Variants in FBXO40 observed in about 807,000 individuals in gnomAD.
FBXO40 encodes the protein F-box only protein 40.
FBXO40 carries 50 observed loss-of-function variants against 49.9 expected under a neutral mutation model. That is an observed-to-expected ratio of 1.00 (90% CI 0.80 to 1.27). FBXO40 has a LOEUF of 1.27. FBXO40 is among the 50% of genes most tolerant of loss of function. FBXO40 has a pLI of 0.00. For missense variants in FBXO40, 895 were observed against 870.1 expected (o/e 1.03, Z -0.36); for synonymous variants, 340 against 320.2 (o/e 1.06, Z -0.66).
chr3:121,621,398 A>G, intron 2 of FBXO40, 35 bp from the exon 3 acceptor site: 1 of 1,566,088 alleles, frequency 6.4e-7, no homozygotes, highest in Non-Finnish European at 8.7e-7. Context: ...CTCAGTATTC[A>G]TTTGTTTTCT....
Position 121,621,531 on chromosome 3 carries a change from G to C in FBXO40, c.102G>C (p.Leu34=), listed in dbSNP as rs758229050. The change falls in exon 3 of 4, where the codon CTG becomes CTC. Residue 34 remains leucine (L), a synonymous_variant. Coordinates refer to ENST00000338040, the MANE Select transcript of FBXO40 (RefSeq NM_016298.4). ...HIPVEPNTSC[L]VISCHLLCGA... ...CTGTGGAACCCAACACCTCCTGCCT[G>C]GTAATAAGCTGCCACCTGCTCTGTG... 1.9e-6 allele frequency: 3 copies of C among 1,614,218 alleles called. No individual in the cohort carries two copies. Among genetic ancestry groups the C allele is most frequent in the Non-Finnish European group, 8.5e-7 (1 of 1,180,046 alleles).
At chr3:121,625,730 C>A (rs901830295) in intron 3 of FBXO40, among the ~76,000 whole-genome samples, 5 of 152,110 alleles carry the variant, frequency 3.3e-5, no homozygotes, top group Admixed American at 3.3e-4. Context: ...AATTTCCTTG[C>A]AGAAAGAAAT....
Position 121,622,246 on chromosome 3 carries a change from C to T in FBXO40, c.817C>T (p.Gln273Ter). The change falls in exon 3 of 4, where the codon CAG (glutamine) becomes TAG (stop). Residue 273 changes from glutamine (Q) to a stop codon, truncating the protein, a stop_gained. Transcript: ENST00000338040. LOFTEE classifies it high-confidence loss of function. ...APKKKEPQEN[Q>*]KQQDVRTAME... The stretch of plus-strand genomic sequence containing the variant: ...CAAAAAGAAAGAACCACAGGAAAAT[C>T]AGAAGCAGCAGGACGTTCGTACAGC... The T allele has an allele frequency of 6.2e-7, 1 of 1,614,166 alleles. No individual in the cohort carries two copies. Among genetic ancestry groups the T allele is most frequent in the Non-Finnish European group, 8.5e-7 (1 of 1,180,040 alleles).
intron 1 of FBXO40, among the ~76,000 whole-genome samples, chr3:121,612,684 C>T (rs1560129785): frequency 6.6e-6 from 1 of 152,118 alleles, no homozygotes; most frequent in Non-Finnish European, 1.5e-5. Flanking sequence ...CAAAACAAAT[C>T]AAGCCGAAGT....
At chr3:121,607,300 CTTTTTT>C (rs555162944) in intron 1 of FBXO40, among the ~76,000 whole-genome samples, 9 of 60,126 alleles carry the variant, frequency 1.5e-4, no homozygotes, top group African/African-American at 2.7e-4. Context: ...CTCTAAAGCT[CTTTTTT>C]TTTTTTTTTT....
At chr3:121,596,935 G>A (rs1289668488) in intron 1 of FBXO40, among the ~76,000 whole-genome samples, 1 of 152,114 alleles carries the variant, frequency 6.6e-6, no homozygotes. Flanking sequence ...TGAGTGCTGG[G>A]GGCAGTGTTT....
intron 1 of FBXO40, among the ~76,000 whole-genome samples, chr3:121,597,199 A>G (rs533175550): frequency 2.8e-4 from 43 of 152,280 alleles, no homozygotes; most frequent in African/African-American, 1.0e-3. Flanking sequence ...TTTTTTCTTG[A>G]TGAGCAGAAT....
Position 121,628,189 on chromosome 3 carries a change from G to A in FBXO40, c.*1279G>A. ...TAATTCTTTTTTTTTTTTTCTAGGT[G>A]GGGAGGGGATGGAGTTCACTCTTGT... On this transcript the variant is annotated 3_prime_UTR_variant, in exon 4 of 4. Coordinates refer to ENST00000338040, the MANE Select transcript of FBXO40 (RefSeq NM_016298.4). 1 of 269,376 alleles carries A rather than the reference G, an allele frequency of 3.7e-6. No homozygotes were observed. The highest frequency in any genetic ancestry group is 2.2e-5 in the African/African-American group (1 of 44,984). The allele number at this position is 269,376 out of a possible 1,614,324, so 16.7% of individuals were successfully genotyped here. A position where few individuals can be genotyped will look rare whatever the true frequency, so the allele number is the denominator to read the frequency against.
chr3:121,624,643 T>G (rs887201039), intron 3 of FBXO40, among the ~76,000 whole-genome samples: 1 of 152,136 alleles, frequency 6.6e-6, no homozygotes, highest in Non-Finnish European at 1.5e-5. Context: ...TTCTCCTGGC[T>G]TCCCCCCTGC....
In FBXO40 at chr3:121,626,874, C is replaced by A; in HGVS notation, c.2094C>A (p.Thr698=). 6.2e-7 allele frequency: 1 copy of A among 1,614,148 alleles called. No individual in the cohort carries two copies. Among genetic ancestry groups the A allele is most frequent in the Non-Finnish European group, 8.5e-7 (1 of 1,180,034 alleles). ...AGGCCCGAGAGAGCTTAGTCTCCAC[C>A]TTTAGAATCAGACCACGAGGAAGAT... ...REQARESLVS[T]FRIRPRGRYV... The change falls in exon 4 of 4, where the codon ACC becomes ACA. Residue 698 remains threonine, a synonymous_variant. Transcript: ENST00000338040.
chr3:121,594,752 T>C (rs2048863024), intron 1 of FBXO40, among the ~76,000 whole-genome samples: 1 of 152,180 alleles, frequency 6.6e-6, no homozygotes, highest in Non-Finnish European at 1.5e-5. Flanking sequence ...AATGCATCCA[T>C]GAAATATAAG....
chr3:121,626,818 C>G lies in FBXO40; in HGVS notation c.2038C>G (p.Leu680Val). Residue 680 changes from leucine (L) to valine (V), a missense_variant, in exon 4 of 4, where the codon CTT becomes GTT. Physicochemically the swap from Leu to Val is conservative, Grantham distance 32. Transcript: ENST00000338040. ...NIVEHKTDPI[L>V]LTSMCQPREQ... ...TGTAGAGCACAAAACTGACCCGATT[C>G]TTTTGACTAGCATGTGTCAGCCCCG... 6.2e-7 allele frequency: 1 copy of G among 1,614,170 alleles called. No homozygotes were observed. The highest frequency in any genetic ancestry group is 8.5e-7 in the Non-Finnish European group (1 of 1,180,036).
At chr3:121,619,036 C>T (rs2049015090) in intron 1 of FBXO40, among the ~76,000 whole-genome samples, 2 of 151,822 alleles carry the variant, frequency 1.3e-5, no homozygotes, top group African/African-American at 4.8e-5. Flanking sequence ...TACTCTCTCA[C>T]CCAGGCTGGA....
rs1328969576 is a variant in FBXO40, at chr3:121,622,896, C to G, written c.1467C>G (p.Pro489=). The change falls in exon 3 of 4, where the codon CCC becomes CCG. Residue 489 remains proline (P), a synonymous_variant. Transcript: ENST00000338040. The stretch of plus-strand genomic sequence containing the variant: ...AATTCTTCAGGAGGGATGAGTTCCC[C>G]CTGCACTTCAAGAATGTCCACACAG... ...CNKFFRRDEF[P]LHFKNVHTDI... 6.2e-7 allele frequency: 1 copy of G among 1,614,198 alleles called. No individual in the cohort carries two copies. The highest frequency in any genetic ancestry group is 1.7e-5 in the Admixed American group (1 of 60,026).
chr3:121,599,701 CACACAT>C (rs1288597739), intron 1 of FBXO40, among the ~76,000 whole-genome samples: 22 of 72,532 alleles, frequency 3.0e-4, no homozygotes, highest in African/African-American at 9.2e-4. Context: ...CACACACACA[CACACAT>C]ATATATATAT....
At chr3:121,594,100 T>C (rs1161330703) in intron 1 of FBXO40, among the ~76,000 whole-genome samples, 17 of 152,132 alleles carry the variant, frequency 1.1e-4, no homozygotes, top group Admixed American at 1.1e-3. Context: ...ACTCCTGGCC[T>C]CAAATGATCC....
At chr3:121,618,149 T>C (rs930863794) in intron 1 of FBXO40, among the ~76,000 whole-genome samples, 4 of 152,204 alleles carry the variant, frequency 2.6e-5, no homozygotes, top group Non-Finnish European at 4.4e-5. Flanking sequence ...ACAACTATTA[T>C]ATATCAATAA....
Position 121,621,527 on chromosome 3 carries a change from G to A in FBXO40, c.98G>A (p.Cys33Tyr). ...ATTCCTGTGGAACCCAACACCTCCT[G>A]CCTGGTAATAAGCTGCCACCTGCTC... Reference protein sequence around the residue: ...CHIPVEPNTSCLVISCHLLCG... With the variant: ...CHIPVEPNTSYLVISCHLLCG... The change falls in exon 3 of 4, where the codon TGC becomes TAC. Residue 33 changes from cysteine to tyrosine, a missense_variant. Cys to Tyr is a radical substitution (Grantham distance 194). Coordinates refer to ENST00000338040, the MANE Select transcript of FBXO40 (RefSeq NM_016298.4). The A allele has an allele frequency of 6.2e-7, 1 of 1,614,208 alleles. No homozygotes were observed. The highest frequency in any genetic ancestry group is 8.5e-7 in the Non-Finnish European group (1 of 1,180,044).
intron 1 of FBXO40, among the ~76,000 whole-genome samples, chr3:121,620,170 CAGAT>C (rs1357580110): frequency 6.6e-6 from 1 of 152,172 alleles, no homozygotes; most frequent in Non-Finnish European, 1.5e-5. Flanking sequence ...TAACCTAGGC[CAGAT>C]TGTGGGTAGC....
Sources: allele counts gnomAD v4.1 joint callset (sites outside exome capture counted in the v4.1 genomes callset), GRCh38; gene constraint gnomAD v4.1.1; transcripts MANE v1.5; gene names NCBI Gene and HGNC (gene_info 2026-07-23, HGNC 2026-07-21).